Variants in PDPR observed in about 807,000 individuals in gnomAD.
PDPR encodes pyruvate dehydrogenase phosphatase regulatory subunit, also known as pyruvate dehydrogenase phosphatase regulatory subunit, mitochondrial.
Under a neutral mutation model 102.2 loss-of-function variants are expected in PDPR, and 50 were observed. That is an observed-to-expected ratio of 0.49 (90% confidence interval 0.39 to 0.62). PDPR has a LOEUF of 0.62. PDPR is among the 20% of genes least tolerant of loss of function. The pLI is 0.00. For missense variants in PDPR, 625 were observed against 1,098.2 expected (o/e 0.57, Z 6.09); for synonymous variants, 259 against 406.0 (o/e 0.64, Z 4.35).
intron 9 of PDPR, among the ~76,000 whole-genome samples, 183 bp from the exon 10 acceptor site, chr16:70,136,011 G>A (rs570999699): frequency 1.1e-3 from 172 of 151,766 alleles, no homozygotes; most frequent in Middle Eastern, 6.8e-3. Context: ...AGAGGTTGCA[G>A]TGAGCCGAGA....
At chr16:70,150,506 A>T (rs1014949335) in intron 17 of PDPR, among the ~76,000 whole-genome samples, 2 of 150,084 alleles carry the variant, frequency 1.3e-5, no homozygotes, top group African/African-American at 4.9e-5. Context: ...TAGTCATACT[A>T]CTTGTAGTGA....
downstream of PDPR, among the ~76,000 whole-genome samples, chr16:70,163,388 C>T (rs777227310): frequency 2.2e-4 from 33 of 152,198 alleles, no homozygotes; most frequent in Admixed American, 6.5e-4. Flanking sequence ...TAGTCAACCA[C>T]GCCAGAAACC....
Position 70,119,889 on chromosome 16 carries a change from A to G in PDPR, c.-32-572A>G, listed in dbSNP as rs1239256731. ...TCTGAAACTCAGAATGCCCTCAAAT[A>G]TTTCTTTTTTTGTTTTTTTTTTGTT... On this transcript the variant is annotated intron_variant, in intron 2 of 18. Transcript: ENST00000288050. 3.4e-4 allele frequency among the ~76,000 whole-genome samples: 28 copies of G among 82,134 alleles called. 1 individual carries two copies. In the Admixed American group the frequency reaches 4.4e-3, roughly 13 times the overall value. The allele number at this position is 82,134 out of a possible 152,430, so 53.9% of individuals were successfully genotyped here. A position where few individuals can be genotyped will look rare whatever the true frequency, so the allele number is the denominator to read the frequency against.
intron 16 of PDPR, 57 bp from the exon 17 acceptor site, chr16:70,148,407 C>T (rs1966411219): frequency 1.1e-5 from 13 of 1,214,174 alleles, no homozygotes; most frequent in Admixed American, 1.9e-5. Flanking sequence ...CCCCAGGCGT[C>T]CCTCCCTTGA....
chr16:70,140,829 A>G (rs1168167966), intron 11 of PDPR, among the ~76,000 whole-genome samples: 1 of 152,216 alleles, frequency 6.6e-6, no homozygotes, highest in African/African-American at 2.4e-5. Context: ...AAAAATAAAA[A>G]AAAAATAGAA....
At position 70,157,363 on chromosome 16, in the gene PDPR, C is replaced by T. The variant is rs1174214814; in HGVS notation, c.*484C>T. The T allele has an allele frequency of 2.7e-5, 10 of 370,838 alleles. No homozygotes were observed. Among genetic ancestry groups the T allele is most frequent in the African/African-American group, 1.5e-4 (7 of 47,028 alleles). The allele number at this position is 370,838 out of a possible 1,614,324, so 23.0% of individuals were successfully genotyped here. On this transcript the variant is annotated 3_prime_UTR_variant, in exon 19 of 19. Coordinates refer to ENST00000288050, the MANE Select transcript of PDPR (RefSeq NM_017990.5). ...TGAGGGGCAGCTCGTGCCTGCAGCC[C>T]GGCAGCTCGTTCTCCTGTTCTGCTG...
chr16:70,135,236 C>CTT (rs59176444), intron 9 of PDPR, among the ~76,000 whole-genome samples: 9,413 of 143,584 alleles, frequency 0.066, 9 homozygotes, highest in Non-Finnish European at 0.093. Flanking sequence ...AGAACATTGC[C>CTT]TTTTTTTTTT....
At position 70,143,711 on chromosome 16, in the gene PDPR, G is replaced by C. The variant is rs2303199; in HGVS notation, c.1754+53G>C. ...TCCCTCCAACATGTTGATTCCTTAGGGGTGCTGTAGCAGAGGCTCTCAGGC... is the reference window on the plus strand; with the variant it reads ...TCCCTCCAACATGTTGATTCCTTAGCGGTGCTGTAGCAGAGGCTCTCAGGC... On this transcript the variant is annotated intron_variant, in intron 14 of 18. Transcript: ENST00000288050. 0.016 allele frequency: 25,080 copies of C among 1,578,800 alleles called. 1,117 individuals are homozygous for C. In the Admixed American group the frequency reaches 0.18, roughly 11 times the overall value.
At chr16:70,119,891 TTC>T (rs1376255113) in intron 2 of PDPR, among the ~76,000 whole-genome samples, 1 of 42,392 alleles carries the variant, frequency 2.4e-5, no homozygotes, top group Non-Finnish European at 5.9e-5. Context: ...CCTCAAATAT[TTC>T]TTTTTTTGTT....
At chr16:70,122,868 C>CACACACACACACACACACACACACA (rs1555520799) in intron 3 of PDPR, among the ~76,000 whole-genome samples, 1 of 149,712 alleles carries the variant, frequency 6.7e-6, no homozygotes, top group African/African-American at 2.5e-5. Flanking sequence ...CACACACACA[C>CACACACACACACACACACACACACA]CAGTTTAGAC....
chr16:70,124,026 G>A (rs1385643941), intron 3 of PDPR, among the ~76,000 whole-genome samples: 1 of 150,374 alleles, frequency 6.7e-6, no homozygotes, highest in African/African-American at 2.5e-5. Flanking sequence ...TTGCACCCCA[G>A]CCTGGGCGAC....
intron 17 of PDPR, among the ~76,000 whole-genome samples, chr16:70,150,109 T>C (rs12595983): frequency 2.7e-3 from 26 of 9,608 alleles, no homozygotes; most frequent in Admixed American, 2.7e-3. Flanking sequence ...TTTTTTTTTC[T>C]TTTTTTTTTT....
At chr16:70,132,772 A>G (rs1262380467) in intron 9 of PDPR, among the ~76,000 whole-genome samples, 4 of 152,150 alleles carry the variant, frequency 2.6e-5, no homozygotes, top group African/African-American at 7.2e-5. Context: ...TACAGATGTG[A>G]GCCACTGTAC....
At chr16:70,154,534 G>C (rs1401279668) in intron 18 of PDPR, among the ~76,000 whole-genome samples, 1 of 152,282 alleles carries the variant, frequency 6.6e-6, no homozygotes, top group African/African-American at 2.4e-5. Flanking sequence ...AAGACTGAGT[G>C]CTTTCTGGGA....
Position 70,156,762 on chromosome 16 carries a change from G to C in PDPR, c.2523G>C (p.Glu841Asp), listed in dbSNP as rs1967259144. 5.6e-6 allele frequency: 9 copies of C among 1,614,114 alleles called. No homozygotes were observed. The highest frequency in any genetic ancestry group is 7.6e-6 in the Non-Finnish European group (9 of 1,179,914). Residue 841 changes from glutamate to aspartate, a missense_variant, in exon 19 of 19, where the codon GAG becomes GAC. Glu to Asp is a conservative substitution (Grantham distance 45). This residue lies in a region of PDPR where 303 missense variants were observed against 258.9 expected (regional missense o/e 1.17). Transcript: ENST00000288050. ...TADFINRGEY[E>D]IDIAGYRFQA... ...ATTTCATCAACCGGGGAGAGTATGA[G>C]ATTGACATCGCGGGATACCGCTTCC...
At chr16:70,155,484 C>T (rs933439025) in intron 18 of PDPR, among the ~76,000 whole-genome samples, 7 of 152,216 alleles carry the variant, frequency 4.6e-5, no homozygotes, top group Non-Finnish European at 8.8e-5. Flanking sequence ...GGTGTGGTGG[C>T]GCATCTGTGG....
chr16:70,120,801 A>G (rs1424268656), intron 3 of PDPR, 82 bp downstream of exon 3: 19 of 877,220 alleles, frequency 2.2e-5, no homozygotes, highest in African/African-American at 3.3e-5. Flanking sequence ...ATACTGCCCC[A>G]CCAGTAGCTA....
chr16:70,142,291 G>A lies in PDPR; in HGVS notation c.1373G>A (p.Arg458His), dbSNP rs372542476. The A allele has an allele frequency of 1.1e-5, 18 of 1,613,874 alleles. No individual in the cohort carries two copies. The highest frequency in any genetic ancestry group is 7.7e-5 in the South Asian group (7 of 91,086). ...GACTTCCAGACCGGTAGGCAGTTAC[G>A]CACCTCTCCTCTCTACGACCGGCTG... ...RWDFQTGRQL[R>H]TSPLYDRLDA... Residue 458 changes from arginine to histidine, a missense_variant, in exon 12 of 19, where the codon CGC (arginine) becomes CAC (histidine). Transcript: ENST00000288050.
At chr16:70,122,809 C>G (rs1963466833) in intron 3 of PDPR, among the ~76,000 whole-genome samples, 1 of 151,098 alleles carries the variant, frequency 6.6e-6, no homozygotes, top group South Asian at 2.1e-4. Flanking sequence ...AAGAGATTTC[C>G]TTCTCCCCCA....
Sources: allele counts gnomAD v4.1 joint callset (sites outside exome capture counted in the v4.1 genomes callset), GRCh38; gene constraint gnomAD v4.1.1; regional missense constraint gnomAD v4.1.1; transcripts MANE v1.5; gene names NCBI Gene and HGNC (gene_info 2026-07-23, HGNC 2026-07-21).